Variants in NRP2 observed in about 807,000 individuals in gnomAD.
NRP2 encodes the protein neuropilin-2.
Under a neutral mutation model 110.4 loss-of-function variants are expected in NRP2, and 52 were observed. The ratio of observed to expected loss-of-function variants is 0.47; its 90% CI spans 0.38 to 0.59. The LOEUF (loss-of-function observed/expected upper bound fraction) is 0.59, where lower values mean the gene tolerates loss of function less well. NRP2 is among the 20% of genes least tolerant of loss of function. NRP2 has a pLI of 0.00. For synonymous variants in NRP2, 508 were observed against 468.9 expected (o/e 1.08, Z -1.08); for missense variants, 1,049 against 1,203.0 (o/e 0.87, Z 1.89).
chr2:205,716,137 T>C (rs2105791755), intron 2 of NRP2, 56 bp from the exon 3 acceptor site: 1 of 1,560,772 alleles, frequency 6.4e-7, no homozygotes, highest in Non-Finnish European at 8.8e-7. Flanking sequence ...AGCGACACAG[T>C]GGTCCTTCTC....
chr2:205,792,184 C>T, intron 15 of NRP2, 51 bp from the exon 16 acceptor site: 1 of 1,276,028 alleles, frequency 7.8e-7, no homozygotes, highest in Non-Finnish European at 1.1e-6. Flanking sequence ...GCCTTTTAGC[C>T]ATGGTGATAG....
intron 1 of NRP2, among the ~76,000 whole-genome samples, chr2:205,696,701 G>T (rs1464449191): frequency 3.3e-5 from 5 of 152,216 alleles, no homozygotes; most frequent in Non-Finnish European, 5.9e-5. Flanking sequence ...CCTGCAAACG[G>T]CCAGTTATGG....
chr2:205,697,968 A>C, intron 2 of NRP2: 1 of 529,464 alleles, frequency 1.9e-6, no homozygotes, highest in Non-Finnish European at 3.4e-6. Flanking sequence ...CCTACCTCCA[A>C]AGGCCGGTAG....
chr2:205,763,853 T>TTGC lies in NRP2; in HGVS notation c.2227_2229dup (p.Leu743dup). 1 of 1,614,076 alleles carries TTGC rather than the reference T, an allele frequency of 6.2e-7. No individual in the cohort carries two copies. ...GCGGGAAGCCAGCCAGGAGAGCAAG[T>TTGC]TGCTGTGGGTCATCCGTGAGGACCA... On this transcript the variant is annotated inframe_insertion, in exon 13 of 17. Transcript: ENST00000357785. The surrounding 1 kb of genome is among the most constrained non-coding windows in gnomAD (Gnocchi z 4.0).
chr2:205,749,712 T>G lies in NRP2; in HGVS notation c.1787-13T>G. 6.2e-7 allele frequency: 1 copy of G among 1,608,748 alleles called. No homozygotes were observed. The highest frequency in any genetic ancestry group is 8.5e-7 in the Non-Finnish European group (1 of 1,175,072). Reference sequence around the variant, plus strand: ...GCTACAGCATTCTCTTATCTTCCTTTGCCCTTACACAGACTCCAAGCCCAC... The same window carrying G: ...GCTACAGCATTCTCTTATCTTCCTTGGCCCTTACACAGACTCCAAGCCCAC... On this transcript the variant is annotated splice_polypyrimidine_tract_variant and intron_variant, in intron 10 of 16. Transcript: ENST00000357785.
chr2:205,700,465 T>A (rs1411368516), intron 2 of NRP2, among the ~76,000 whole-genome samples: 1 of 152,182 alleles, frequency 6.6e-6, no homozygotes, highest in Non-Finnish European at 1.5e-5. Context: ...AGAGCAGTGG[T>A]CAGCACACCC....
At position 205,760,171 on chromosome 2, in the gene NRP2, G is replaced by A. The variant is rs187175905; in HGVS notation, c.2045-3503G>A. 2.0e-3 allele frequency among the ~76,000 whole-genome samples: 302 copies of A among 152,270 alleles called. 1 individual carries two copies. Among genetic ancestry groups the A allele is most frequent in the African/African-American group, 6.8e-3 (283 of 41,560 alleles). On this transcript the variant is annotated intron_variant, in intron 12 of 16. Coordinates refer to ENST00000357785, the MANE Select transcript of NRP2 (RefSeq NM_003872.3). ...CAGGTAAAGCCTCCCGTGTGATCGCGCACAGGCAGCAGGTGTTCAATGTGT... is the reference window on the plus strand; with the variant it reads ...CAGGTAAAGCCTCCCGTGTGATCGCACACAGGCAGCAGGTGTTCAATGTGT...
chr2:205,797,758 T>C lies in NRP2; in HGVS notation c.*2700T>C, dbSNP rs946165481. 4 of 152,700 alleles carry C rather than the reference T, an allele frequency of 2.6e-5. No individual in the cohort carries two copies. Among genetic ancestry groups the C allele is most frequent in the African/African-American group, 7.2e-5 (3 of 41,466 alleles). The allele number at this position is 152,700 out of a possible 1,614,324, so 9.5% of individuals were successfully genotyped here. ...CCTTTGGGAAACCCCACTGCCAGTATTGATCTCCTTTTTGCCTTGTACTGA... is the reference window on the plus strand; with the variant it reads ...CCTTTGGGAAACCCCACTGCCAGTACTGATCTCCTTTTTGCCTTGTACTGA... On this transcript the variant is annotated 3_prime_UTR_variant, in exon 17 of 17. Transcript: ENST00000357785.
At chr2:205,719,622 C>T (rs1418843363) in intron 3 of NRP2, among the ~76,000 whole-genome samples, 2 of 152,118 alleles carry the variant, frequency 1.3e-5, no homozygotes, top group African/African-American at 4.8e-5. Context: ...TTGCCTGTGA[C>T]ACTTCAGAAA....
chr2:205,777,189 C>T, intron 15 of NRP2: 1 of 975,212 alleles, frequency 1.0e-6, no homozygotes, highest in Non-Finnish European at 1.2e-6. Context: ...CTGTCATTGT[C>T]ATCTCCAGGT....
chr2:205,763,719 G>T lies in NRP2; in HGVS notation c.2090G>T (p.Gly697Val). ...LRLQSDSQREGQYARLISPPV... is the reference protein window; with the variant it reads ...LRLQSDSQREVQYARLISPPV... ...CTGCAGAGTGACAGCCAGAGAGAGG[G>T]CCAGTATGCCCGGCTCATCAGCCCC... Residue 697 changes from glycine to valine, a missense_variant, in exon 13 of 17, where the codon GGC (glycine) becomes GTC (valine). By Grantham distance (109) the Gly-to-Val change is moderately radical (BLOSUM62 -3). Transcript: ENST00000357785. This position sits in a 1 kb window ranked among gnomAD's most constrained non-coding sequence, Gnocchi z 4.0. 6.2e-7 allele frequency: 1 copy of T among 1,614,246 alleles called. No individual in the cohort carries two copies. The highest frequency in any genetic ancestry group is 1.3e-5 in the African/African-American group (1 of 75,070).
At chr2:205,683,509 C>A in intron 1 of NRP2, 146 bp downstream of exon 1, 1 of 690,096 alleles carries the variant, frequency 1.4e-6, no homozygotes, top group South Asian at 1.6e-5. Context: ...CCGGCCCTTC[C>A]TACACCACCA....
intron 16 of NRP2, 42 bp downstream of exon 16, chr2:205,792,327 G>A: frequency 6.6e-7 from 1 of 1,515,578 alleles, no homozygotes. Context: ...TAAAATTCAA[G>A]TTTGGTTATA....
intron 16 of NRP2, 80 bp from the exon 17 acceptor site, chr2:205,794,674 C>T: frequency 7.0e-7 from 1 of 1,435,614 alleles, no homozygotes. Flanking sequence ...CTCTGAAGAG[C>T]CTCTGGGCTG....
At chr2:205,698,275 G>C (rs2105890259) in intron 2 of NRP2, among the ~76,000 whole-genome samples, 1 of 151,864 alleles carries the variant, frequency 6.6e-6, no homozygotes, top group African/African-American at 2.4e-5. Context: ...CTTGATAGCT[G>C]TGCTACACAA....
In NRP2 at chr2:205,706,919, C is replaced by T. The variant is rs564855060; in HGVS notation, c.251+9198C>T. ...AATATTGTGGCCAACCAGCCAGAAG[C>T]TCTGTGCGCAAAACAAACAGCCTGC... On this transcript the variant is annotated intron_variant, in intron 2 of 16. Coordinates refer to ENST00000357785, the MANE Select transcript of NRP2 (RefSeq NM_003872.3). Among the ~76,000 whole-genome samples the T allele has an allele frequency of 3.7e-3, 557 of 152,340 alleles. 2 individuals are homozygous for T. Among genetic ancestry groups the T allele is most frequent in the African/African-American group, 0.013 (526 of 41,584 alleles).
At position 205,743,366 on chromosome 2, in the gene NRP2, G is replaced by A. The variant is rs143148436; in HGVS notation, c.1455G>A (p.Glu485=). Residue 485 remains glutamate, a synonymous_variant, in exon 9 of 17, where the codon GAG becomes GAA. Coordinates refer to ENST00000357785, the MANE Select transcript of NRP2 (RefSeq NM_003872.3). ...GAATCCCTCAGGCCCAGCCCGGTGAGGAGTGGCTTCAGGTAGATCTGGGAA... is the reference window on the plus strand; with the variant it reads ...GAATCCCTCAGGCCCAGCCCGGTGAAGAGTGGCTTCAGGTAGATCTGGGAA... ...FPRIPQAQPG[E]EWLQVDLGTP... 1.1e-4 allele frequency: 183 copies of A among 1,614,256 alleles called. No homozygotes were observed. In the African/African-American group the frequency reaches 2.3e-3, roughly 20 times the overall value.
intron 3 of NRP2, among the ~76,000 whole-genome samples, chr2:205,716,928 A>G (rs1398749531): frequency 1.3e-5 from 2 of 152,178 alleles, no homozygotes; most frequent in African/African-American, 4.8e-5. Context: ...CCTACTCTCT[A>G]AATGCCAATG....
At chr2:205,692,495 G>C (rs1181503408) in intron 1 of NRP2, among the ~76,000 whole-genome samples, 1 of 152,206 alleles carries the variant, frequency 6.6e-6, no homozygotes, top group African/African-American at 2.4e-5. Flanking sequence ...GATGATCTGG[G>C]TGAGGGATTT....
Sources: allele counts gnomAD v4.1 joint callset (sites outside exome capture counted in the v4.1 genomes callset), GRCh38; gene constraint gnomAD v4.1.1; non-coding constraint Gnocchi (gnomAD v3.1); transcripts MANE v1.5; gene names NCBI Gene and HGNC (gene_info 2026-07-23, HGNC 2026-07-21).